Variants in NCKAP5 observed in about 807,000 individuals in gnomAD.
NCKAP5 encodes NCK associated protein 5.
Under a neutral mutation model 167.0 loss-of-function variants are expected in NCKAP5, and 92 were observed. The ratio of observed to expected loss-of-function variants is 0.55; its 90% CI spans 0.47 to 0.66. The LOEUF is 0.66. NCKAP5 is among the 30% of genes least tolerant of loss of function. The probability of loss-of-function intolerance (pLI) is 0.00; values close to 1 mark genes in which losing one functional copy is unlikely to be tolerated. For missense variants in NCKAP5, 2,378 were observed against 2,315.0 expected, an observed-to-expected ratio of 1.03 and a Z score of -0.56; for synonymous variants, 891 against 877.4, an observed-to-expected ratio of 1.02 and a Z score of -0.27.
chr2:133,368,961 G>C (rs1204523560), intron 3 of NCKAP5, among the ~76,000 whole-genome samples: 2 of 152,162 alleles, frequency 1.3e-5, no homozygotes, highest in Non-Finnish European at 2.9e-5. Flanking sequence ...GGTCAGGAAG[G>C]ATATTTGTTT....
chr2:133,539,603 G>A (rs1274158863), intron 2 of NCKAP5, among the ~76,000 whole-genome samples: 9 of 151,930 alleles, frequency 5.9e-5, no homozygotes, highest in Non-Finnish European at 1.3e-4. Context: ...TGTATAGGAA[G>A]AAGATCTACT....
At chr2:132,852,456 C>G (rs1288141972) in intron 11 of NCKAP5, among the ~76,000 whole-genome samples, 2 of 152,142 alleles carry the variant, frequency 1.3e-5, no homozygotes, top group African/African-American at 4.8e-5. Flanking sequence ...TTAACTATAT[C>G]CTTCTTCAGT....
intron 19 of NCKAP5, among the ~76,000 whole-genome samples, chr2:132,696,788 C>T (rs1306982164): frequency 6.6e-6 from 1 of 152,194 alleles, no homozygotes; most frequent in Non-Finnish European, 1.5e-5. Flanking sequence ...CCATGGTAAC[C>T]ATCCATAAGT....
At chr2:133,593,374 A>C in the NCKAP5 span, among the ~76,000 whole-genome samples, 1 of 149,390 alleles carries the variant, frequency 6.7e-6, no homozygotes, top group Non-Finnish European at 1.5e-5. Flanking sequence ...GACAAAATTA[A>C]AAAAAAAAAG....
At chr2:133,532,807 T>G (rs1685472025) in intron 2 of NCKAP5, among the ~76,000 whole-genome samples, 1 of 152,250 alleles carries the variant, frequency 6.6e-6, no homozygotes, top group Non-Finnish European at 1.5e-5. Context: ...TATCTGTTTA[T>G]GTACAGATAT....
chr2:132,915,508 G>A (rs1353360185), intron 8 of NCKAP5: 1 of 152,090 alleles, frequency 6.6e-6, no homozygotes, highest in Non-Finnish European at 1.5e-5. Flanking sequence ...TGGGAACAAG[G>A]CACTGCAGAA....
chr2:133,360,792 G>A (rs553843720), intron 3 of NCKAP5, among the ~76,000 whole-genome samples: 1 of 152,078 alleles, frequency 6.6e-6, no homozygotes, highest in South Asian at 2.1e-4. Context: ...GAGGAAAATA[G>A]GAGAACACTT....
chr2:133,064,728 A>G (rs1007132636), intron 6 of NCKAP5, among the ~76,000 whole-genome samples: 3 of 152,342 alleles, frequency 2.0e-5, no homozygotes, highest in African/African-American at 7.2e-5. Flanking sequence ...ATGGAAAGAA[A>G]AAAGGCAGTG....
intron 5 of NCKAP5, among the ~76,000 whole-genome samples, chr2:133,177,127 A>G (rs1195427265): frequency 2.7e-5 from 4 of 149,652 alleles, no homozygotes; most frequent in Admixed American, 1.3e-4. Context: ...TGGAGTCAAC[A>G]CTCTAAGAAT....
intron 8 of NCKAP5, among the ~76,000 whole-genome samples, chr2:132,897,408 C>A (rs1693290275): frequency 6.6e-6 from 1 of 152,218 alleles, no homozygotes; most frequent in African/African-American, 2.4e-5. Context: ...AAATTATATA[C>A]AAAGAAGCTC....
Position 132,783,438 on chromosome 2 carries a change from C to A in NCKAP5, c.3373G>T (p.Ala1125Ser), listed in dbSNP as rs371372513. The A allele has an allele frequency of 3.2e-6, 5 of 1,584,256 alleles. No individual in the cohort carries two copies. The highest frequency in any genetic ancestry group is 1.2e-5 in the South Asian group (1 of 85,136). Residue 1125 changes from alanine (A) to serine (S), a missense_variant, in exon 14 of 20, where the codon GCC becomes TCC. By Grantham distance (99) the Ala-to-Ser change is moderately conservative. Around this residue, in one of 3 missense-constraint regions of NCKAP5, gnomAD observed 1,325 missense variants for 1,274.5 expected, o/e 1.04. Transcript: ENST00000409261. ...VSSSSSSSSP[A>S]KSHNSPHGCQ... ...CCATGAGGGCTGTTATGGCTTTTGG[C>A]GGGTGATGAGGATGATGAGGAACTG...
chr2:133,393,155 A>G (rs1374462642), intron 3 of NCKAP5, among the ~76,000 whole-genome samples: 3 of 152,262 alleles, frequency 2.0e-5, no homozygotes, highest in African/African-American at 7.2e-5. Context: ...TGAGTAGAAC[A>G]GAGCTTTCCA....
chr2:133,061,319 C>G (rs570952661), intron 6 of NCKAP5, among the ~76,000 whole-genome samples: 1 of 152,266 alleles, frequency 6.6e-6, no homozygotes, highest in African/African-American at 2.4e-5. Context: ...GAGAAATATG[C>G]CATTGACAGG....
intron 8 of NCKAP5, among the ~76,000 whole-genome samples, chr2:132,942,957 T>A (rs1372882837): frequency 6.6e-6 from 1 of 152,234 alleles, no homozygotes; most frequent in Non-Finnish European, 1.5e-5. Context: ...CTGCAGGAAG[T>A]CATTAAAATG....
intron 2 of NCKAP5, among the ~76,000 whole-genome samples, chr2:133,537,340 C>CA (rs1460721596): frequency 6.6e-6 from 1 of 151,830 alleles, no homozygotes; most frequent in Non-Finnish European, 1.5e-5. Context: ...TAAATGTCTG[C>CA]AAAAAAATCC....
At chr2:133,257,047 T>C (rs954507945) in intron 4 of NCKAP5, among the ~76,000 whole-genome samples, 2 of 152,230 alleles carry the variant, frequency 1.3e-5, no homozygotes, top group African/African-American at 4.8e-5. Context: ...CTTTATCTAA[T>C]GTAGACAGCC....
intron 3 of NCKAP5, among the ~76,000 whole-genome samples, chr2:133,437,352 C>CA (rs564454422): frequency 0.011 from 1,351 of 127,056 alleles, 9 homozygotes; most frequent in African/African-American, 0.019. Context: ...GACTCTGTCT[C>CA]AAAAAAAAAA....
At chr2:133,466,984 A>G (rs1575006368) in intron 3 of NCKAP5, among the ~76,000 whole-genome samples, 1 of 151,974 alleles carries the variant, frequency 6.6e-6, no homozygotes, top group Admixed American at 6.6e-5. Flanking sequence ...CTCTTTTCCT[A>G]ATTGAATACC....
At chr2:133,084,204 C>T (rs1289865048) in intron 6 of NCKAP5, among the ~76,000 whole-genome samples, 3 of 152,046 alleles carry the variant, frequency 2.0e-5, no homozygotes, top group Non-Finnish European at 4.4e-5. Flanking sequence ...GGCCAGGGAA[C>T]CATGCACATG....
Sources: allele counts gnomAD v4.1 joint callset (sites outside exome capture counted in the v4.1 genomes callset), GRCh38; gene constraint gnomAD v4.1.1; regional missense constraint gnomAD v4.1.1; transcripts MANE v1.5; gene names NCBI Gene and HGNC (gene_info 2026-07-23, HGNC 2026-07-21).